DPY19L1: variants seen among roughly 807,000 people sequenced by gnomAD.
DPY19L1 encodes the protein protein C-mannosyl-transferase DPY19L1.
A neutral mutation model predicts 96.9 loss-of-function variants in DPY19L1; 35 were observed. The ratio of observed to expected loss-of-function variants is 0.36; its 90% confidence interval spans 0.28 to 0.48. The LOEUF is 0.48. DPY19L1 is among the 20% of genes least tolerant of loss of function. The pLI, the probability that DPY19L1 is intolerant of heterozygous loss-of-function variation, is 0.99. For missense variants in DPY19L1, 521 were observed against 777.9 expected, an observed-to-expected ratio of 0.67 and a Z score of 3.93; for synonymous variants, 205 against 252.6, an observed-to-expected ratio of 0.81 and a Z score of 1.79.
At chr7:35,027,833 C>T (rs1435160056) in intron 1 of DPY19L1, among the ~76,000 whole-genome samples, 6 of 151,746 alleles carry the variant, frequency 4.0e-5, no homozygotes, top group East Asian at 1.9e-4. Context: ...AGCAAAACTC[C>T]GTCTCAAAAA....
At chr7:35,037,770 T>A, upstream of DPY19L1, 1 of 1,151,124 alleles carries the variant, frequency 8.7e-7, no homozygotes, top group Non-Finnish European at 1.1e-6. Flanking sequence ...ACGCGCGGAC[T>A]TCCGGCGCAG....
intron 7 of DPY19L1, among the ~76,000 whole-genome samples, chr7:34,983,068 C>T (rs1784974432): frequency 6.6e-6 from 1 of 152,142 alleles, no homozygotes; most frequent in South Asian, 2.1e-4. Context: ...TAAACTAAAA[C>T]AAATTAAAAC....
Position 34,929,581 on chromosome 7 carries a change from G to A in DPY19L1, c.*1992C>T, listed in dbSNP as rs1240659194. On this transcript the variant is annotated 3_prime_UTR_variant, in exon 22 of 22. Coordinates refer to ENST00000638088, the MANE Select transcript of DPY19L1 (RefSeq NM_001366673.1). ...AGAAAAATATAAAATAAATGTAAAA[G>A]TATAATTTTTAAAAATTGTAACTGC... The A allele has an allele frequency of 6.6e-6, 1 of 152,162 alleles. No homozygotes were observed. The highest frequency in any genetic ancestry group is 1.5e-5 in the Non-Finnish European group (1 of 68,032). The allele number at this position is 152,162 out of a possible 1,614,324, so 9.4% of individuals were successfully genotyped here.
At chr7:34,946,833 T>C (rs1264857848) in intron 15 of DPY19L1, among the ~76,000 whole-genome samples, 1 of 152,256 alleles carries the variant, frequency 6.6e-6, no homozygotes, top group African/African-American at 2.4e-5. Context: ...AACATTTGTC[T>C]ACCCCATAGG....
chr7:35,007,349 C>G (rs1191019433), intron 6 of DPY19L1, among the ~76,000 whole-genome samples: 4 of 152,274 alleles, frequency 2.6e-5, no homozygotes, highest in South Asian at 2.1e-4. Context: ...TGCAGACCAC[C>G]ATGGGGTCCA....
At chr7:34,937,899 T>G in intron 21 of DPY19L1, 95 bp downstream of exon 21, 1 of 1,343,790 alleles carries the variant, frequency 7.4e-7, no homozygotes. Flanking sequence ...CTTTATGTTA[T>G]ATACACACCC....
chr7:35,005,810 CA>C (rs3048618), intron 6 of DPY19L1, among the ~76,000 whole-genome samples: 43,383 of 143,196 alleles, frequency 0.3, 6,306 homozygotes, highest in Non-Finnish European at 0.33. Context: ...GATTTCGTCT[CA>C]AAAAAAAAAA....
chr7:34,990,591 T>G (rs1785146233), intron 6 of DPY19L1, among the ~76,000 whole-genome samples: 1 of 152,252 alleles, frequency 6.6e-6, no homozygotes, highest in African/African-American at 2.4e-5. Flanking sequence ...ACAATCAGGC[T>G]TATAACTCTA....
intron 15 of DPY19L1, among the ~76,000 whole-genome samples, chr7:34,946,980 G>C (rs1342505138): frequency 2.0e-5 from 3 of 152,170 alleles, no homozygotes; most frequent in Non-Finnish European, 4.4e-5. Context: ...GAAATCACTG[G>C]CCACGTATCA....
At chr7:34,970,888 C>T (rs1306582953) in intron 8 of DPY19L1, among the ~76,000 whole-genome samples, 1 of 149,924 alleles carries the variant, frequency 6.7e-6, no homozygotes, top group Non-Finnish European at 1.5e-5. Context: ...AAAAGCTAAG[C>T]TGTGCTACTA....
At chr7:34,965,112 A>G (rs1251220319) in intron 10 of DPY19L1, among the ~76,000 whole-genome samples, 1 of 152,180 alleles carries the variant, frequency 6.6e-6, no homozygotes, top group Non-Finnish European at 1.5e-5. Context: ...TACATAATTT[A>G]CCACCCAACA....
At chr7:34,949,154 T>G (rs143272260) in intron 14 of DPY19L1, among the ~76,000 whole-genome samples, 2 of 152,328 alleles carry the variant, frequency 1.3e-5, no homozygotes, top group South Asian at 4.1e-4. Flanking sequence ...CATAAAGTAT[T>G]GCAAATTAAT....
At chr7:34,991,457 G>A (rs975569995) in intron 6 of DPY19L1, among the ~76,000 whole-genome samples, 4 of 152,178 alleles carry the variant, frequency 2.6e-5, no homozygotes, top group African/African-American at 7.2e-5. Flanking sequence ...TTAGAAAGCA[G>A]TACAGGCCAG....
intron 11 of DPY19L1, among the ~76,000 whole-genome samples, chr7:34,955,775 A>G (rs946859956): frequency 1.3e-5 from 2 of 152,166 alleles, no homozygotes; most frequent in African/African-American, 4.8e-5. Flanking sequence ...GATCAACTAA[A>G]TACTTCTCTG....
At chr7:34,944,243 G>A (rs1784089249) in intron 16 of DPY19L1, among the ~76,000 whole-genome samples, 1 of 151,128 alleles carries the variant, frequency 6.6e-6, no homozygotes, top group Non-Finnish European at 1.5e-5. Context: ...GTCGCCTGTA[G>A]TCTTAGCTAT....
chr7:35,010,787 T>C (rs1033234099), intron 5 of DPY19L1, among the ~76,000 whole-genome samples: 2 of 152,158 alleles, frequency 1.3e-5, no homozygotes, highest in Admixed American at 1.3e-4. Context: ...CTGATACGCC[T>C]CCTCTGGAGG....
chr7:34,966,315 A>G (rs1190394721), intron 10 of DPY19L1, among the ~76,000 whole-genome samples: 2 of 151,888 alleles, frequency 1.3e-5, no homozygotes, highest in Non-Finnish European at 2.9e-5. Flanking sequence ...TCTTTTTTGT[A>G]GAGACATGGT....
chr7:35,029,368 T>C (rs17793929), intron 1 of DPY19L1, among the ~76,000 whole-genome samples: 41,412 of 152,074 alleles, frequency 0.27, 5,767 homozygotes, highest in Non-Finnish European at 0.31. Context: ...AAAACTTTAG[T>C]AAACCTAATG....
intron 10 of DPY19L1, 54 bp downstream of exon 10, chr7:34,966,836 TATTA>T: frequency 7.2e-7 from 1 of 1,382,706 alleles, no homozygotes; most frequent in Non-Finnish European, 9.7e-7. Context: ...ACAAATAAAA[TATTA>T]ATCAGGAGTT....
Sources: gnomAD v4.1 joint callset for allele counts (sites outside exome capture counted in the v4.1 genomes callset) on GRCh38, gnomAD v4.1.1 for gene constraint, MANE v1.5 for transcripts, NCBI Gene and HGNC (gene_info 2026-07-23, HGNC 2026-07-21) for gene names.